Variants in ZMYM4 observed in about 807,000 individuals in gnomAD.
ZMYM4 encodes the protein zinc finger MYM-type containing 4.
Under a neutral mutation model 183.2 loss-of-function variants are expected in ZMYM4, and 31 were observed. The ratio of observed to expected loss-of-function variants is 0.17; its 90% confidence interval spans 0.13 to 0.23. ZMYM4 has a LOEUF of 0.23. ZMYM4 is among the 10% of genes least tolerant of loss of function. ZMYM4 has a pLI of 1.00. For synonymous variants in ZMYM4, 592 were observed against 631.2 expected (o/e 0.94, Z 0.93); for missense variants, 1,273 against 1,840.3 (o/e 0.69, Z 5.64).
chr1:35,281,416 A>G (rs1557901275), intron 1 of ZMYM4, among the ~76,000 whole-genome samples: 1 of 152,164 alleles, frequency 6.6e-6, no homozygotes, highest in Non-Finnish European at 1.5e-5. Flanking sequence ...AATAGAACTC[A>G]TAGAAGCAGA....
At chr1:35,369,774 T>A (rs1644163984) in intron 5 of ZMYM4, among the ~76,000 whole-genome samples, 1 of 151,946 alleles carries the variant, frequency 6.6e-6, no homozygotes, top group Non-Finnish European at 1.5e-5. Flanking sequence ...TAAAGATTTT[T>A]CAAAAATAAT....
intron 1 of ZMYM4, among the ~76,000 whole-genome samples, chr1:35,302,736 G>T (rs1641348984): frequency 6.6e-6 from 1 of 151,824 alleles, no homozygotes; most frequent in South Asian, 2.1e-4. Context: ...TGCTAAGTTG[G>T]TCTCAAACTT....
intron 9 of ZMYM4, among the ~76,000 whole-genome samples, chr1:35,384,217 GA>G (rs1644524944): frequency 1.3e-5 from 2 of 152,196 alleles, no homozygotes. Flanking sequence ...ACTATCAGCA[GA>G]AGCTTCACAG....
At position 35,397,541 on chromosome 1, in the gene ZMYM4, G is replaced by C; in HGVS notation, c.3195G>C (p.Gln1065His). The change falls in exon 20 of 30, where the codon CAG becomes CAC. Residue 1065 changes from glutamine (Q) to histidine (H), a missense_variant. Coordinates refer to ENST00000314607, the MANE Select transcript of ZMYM4 (RefSeq NM_005095.3). ...ATGAAGAGAAGAAGACTCTATCTCA[G>C]GGAGGTTGGTATACTCTTTAAAAGT... is the stretch of plus-strand genomic sequence containing the variant. ...AEDEEKKTLS[Q>H]GESQTSEHEL... is the part of the protein sequence containing the mutation. 6.2e-7 allele frequency: 1 copy of C among 1,606,766 alleles called. No individual in the cohort carries two copies. Among genetic ancestry groups the C allele is most frequent in the Non-Finnish European group, 8.5e-7 (1 of 1,177,544 alleles).
intron 2 of ZMYM4, among the ~76,000 whole-genome samples, chr1:35,335,713 G>A (rs1337087066): frequency 3.9e-5 from 6 of 152,120 alleles, no homozygotes; most frequent in Admixed American, 3.9e-4. Context: ...CAGCACTTTG[G>A]GAGGTCAAGG....
At chr1:35,340,788 GC>G (rs1643172133) in intron 2 of ZMYM4, among the ~76,000 whole-genome samples, 1 of 152,128 alleles carries the variant, frequency 6.6e-6, no homozygotes. Context: ...CTGCTGTGAG[GC>G]CCAGTTTCTA....
intron 21 of ZMYM4, 57 bp downstream of exon 21, chr1:35,398,523 T>C (rs1570524497): frequency 7.0e-7 from 1 of 1,437,864 alleles, no homozygotes; most frequent in East Asian, 2.3e-5. Context: ...GTTAGAAACC[T>C]ATAAAATATT....
chr1:35,330,623 T>C (rs1260220457), intron 2 of ZMYM4, among the ~76,000 whole-genome samples: 1 of 152,204 alleles, frequency 6.6e-6, no homozygotes, highest in Non-Finnish European at 1.5e-5. Context: ...AAATTGAGGC[T>C]CTCTTAGTAA....
chr1:35,353,888 C>T (rs1643719291), intron 2 of ZMYM4, among the ~76,000 whole-genome samples: 1 of 152,124 alleles, frequency 6.6e-6, no homozygotes, highest in Non-Finnish European at 1.5e-5. Context: ...GTGGCTCATG[C>T]AGTCCCAGAA....
At position 35,421,679 on chromosome 1, in the gene ZMYM4, A is replaced by C. The variant is rs1335133200; in HGVS notation, c.*2002A>C. On this transcript the variant is annotated 3_prime_UTR_variant, in exon 30 of 30. Coordinates refer to ENST00000314607, the MANE Select transcript of ZMYM4 (RefSeq NM_005095.3). The stretch of plus-strand genomic sequence containing the variant: ...AGTCCACAGAGTTGCCCAGAACCCT[A>C]AATTTATTCATAAGAGAAAATATTG... The C allele has an allele frequency of 1.3e-5, 2 of 152,230 alleles. No individual in the cohort carries two copies. 9.4% of individuals were successfully genotyped at this position (152,230 alleles called of 1,614,324 possible).
At chr1:35,324,938 G>C (rs1465071363) in intron 1 of ZMYM4, among the ~76,000 whole-genome samples, 1 of 151,976 alleles carries the variant, frequency 6.6e-6, no homozygotes, top group African/African-American at 2.4e-5. Flanking sequence ...CAATTTAAGA[G>C]CAGCATGTTT....
chr1:35,289,457 TG>T (rs1640654572), intron 1 of ZMYM4, among the ~76,000 whole-genome samples: 1 of 152,282 alleles, frequency 6.6e-6, no homozygotes, highest in South Asian at 2.1e-4. Context: ...AGATAGTTGG[TG>T]GCACCATTAA....
chr1:35,282,987 T>G (rs925354224), intron 1 of ZMYM4, among the ~76,000 whole-genome samples: 2 of 66,208 alleles, frequency 3.0e-5, no homozygotes, highest in Non-Finnish European at 4.8e-5. Context: ...GTGGTTTTTT[T>G]TTTTTTTTTT....
Position 35,333,389 on chromosome 1 carries a change from C to G in ZMYM4, c.85+7984C>G, listed in dbSNP as rs1044586914. 1.4e-4 allele frequency among the ~76,000 whole-genome samples: 22 copies of G among 151,806 alleles called. 1 individual carries two copies. Among genetic ancestry groups the G allele is most frequent in the Non-Finnish European group, 5.9e-5 (4 of 67,988 alleles). ...TCCTGTTCCTCAGCCTCCCAGGTAG[C>G]TGGGACTACAGGTGCGCCACCACAC... On this transcript the variant is annotated intron_variant, in intron 2 of 29. Transcript: ENST00000314607.
chr1:35,287,735 A>C (rs1173004448), intron 1 of ZMYM4, among the ~76,000 whole-genome samples: 1 of 151,688 alleles, frequency 6.6e-6, no homozygotes, highest in African/African-American at 2.4e-5. Context: ...CCTCCCATGT[A>C]GCTGGGATTA....
chr1:35,271,577 A>G (rs991420404), intron 1 of ZMYM4, among the ~76,000 whole-genome samples: 11 of 152,112 alleles, frequency 7.2e-5, no homozygotes, highest in African/African-American at 2.4e-4. Flanking sequence ...TAATTTTTGT[A>G]TTTTTAGTAA....
intron 23 of ZMYM4, among the ~76,000 whole-genome samples, chr1:35,402,542 AG>A (rs1312813104): frequency 1.3e-5 from 2 of 151,886 alleles, no homozygotes; most frequent in Non-Finnish European, 2.9e-5. Flanking sequence ...GCTTGAGCCT[AG>A]GGGGGGTCGA....
intron 19 of ZMYM4, chr1:35,397,057 G>A: frequency 4.8e-6 from 5 of 1,035,032 alleles, no homozygotes; most frequent in Non-Finnish European, 5.8e-6. Flanking sequence ...CCCAGGTACT[G>A]AGTCCTTAAA....
chr1:35,346,323 C>G (rs990277506), intron 2 of ZMYM4, among the ~76,000 whole-genome samples: 2 of 152,174 alleles, frequency 1.3e-5, no homozygotes, highest in Non-Finnish European at 2.9e-5. Context: ...GCCTAACTTA[C>G]AATTTCTGTA....
Sources: allele counts gnomAD v4.1 joint callset (sites outside exome capture counted in the v4.1 genomes callset), GRCh38; gene constraint gnomAD v4.1.1; transcripts MANE v1.5; gene names NCBI Gene and HGNC (gene_info 2026-07-23, HGNC 2026-07-21).